The following EFNA5 variants were observed in gnomAD, a reference collection of about 807,000 sequenced individuals.
EFNA5 encodes the protein ephrin A5.
In EFNA5, 5 loss-of-function variants were observed where a neutral mutation model predicts 22.9. The observed-to-expected ratio is 0.22, with a 90% CI of 0.11 to 0.46. The LOEUF (loss-of-function observed/expected upper bound fraction) is 0.46, where lower values mean the gene tolerates loss of function less well. Ranked by LOEUF, EFNA5 falls within the 20% of genes least tolerant of loss-of-function variation. The pLI is 0.99. For synonymous variants in EFNA5, 113 were observed against 112.2 expected, an observed-to-expected ratio of 1.01 and a Z score of -0.04; for missense variants, 237 against 293.3, an observed-to-expected ratio of 0.81 and a Z score of 1.40.
intron 1 of EFNA5, among the ~76,000 whole-genome samples, chr5:107,656,342 A>G (rs1750820957): frequency 1.3e-5 from 2 of 152,170 alleles, no homozygotes; most frequent in Non-Finnish European, 2.9e-5. Flanking sequence ...GTCTTTACAC[A>G]TTATTACTCT....
chr5:107,415,068 T>A (rs1210534074), intron 2 of EFNA5, among the ~76,000 whole-genome samples: 1 of 152,218 alleles, frequency 6.6e-6, no homozygotes. Flanking sequence ...ACATGAACAG[T>A]GTGATTCTAA....
At chr5:107,590,013 G>T (rs933854243) in intron 1 of EFNA5, among the ~76,000 whole-genome samples, 2 of 152,104 alleles carry the variant, frequency 1.3e-5, no homozygotes, top group Non-Finnish European at 2.9e-5. Context: ...GAGAATTTAC[G>T]TAAGACCAGA....
At chr5:107,553,880 T>C (rs144741899) in intron 1 of EFNA5, among the ~76,000 whole-genome samples, 2 of 152,342 alleles carry the variant, frequency 1.3e-5, no homozygotes, top group African/African-American at 4.8e-5. Flanking sequence ...ATTTGCATGA[T>C]TCTTTGTTCT....
In EFNA5 at chr5:107,660,826, T is replaced by A. The variant is rs192425690; in HGVS notation, c.125+9663A>T. Among the ~76,000 whole-genome samples, 512 of 152,240 alleles carry A rather than the reference T, an allele frequency of 3.4e-3. 2 individuals are homozygous for A. The highest frequency in any genetic ancestry group is 5.2e-3 in the Non-Finnish European group (354 of 68,002). On this transcript the variant is annotated intron_variant, in intron 1 of 4. Transcript: ENST00000333274. Reference sequence around the variant, plus strand: ...GGCAGCTTTCGTTTCCCCATTATTTTCTCTAGTTTGACACAAAACCCTGTC... The same window carrying A: ...GGCAGCTTTCGTTTCCCCATTATTTACTCTAGTTTGACACAAAACCCTGTC...
At chr5:107,584,212 G>A (rs187951170) in intron 1 of EFNA5, among the ~76,000 whole-genome samples, 3 of 152,276 alleles carry the variant, frequency 2.0e-5, no homozygotes, top group African/African-American at 4.8e-5. Flanking sequence ...TCAAGAGATC[G>A]ATGAGTTGGG....
chr5:107,431,122 G>A (rs1199713190), intron 1 of EFNA5, among the ~76,000 whole-genome samples: 2 of 152,146 alleles, frequency 1.3e-5, no homozygotes, highest in Non-Finnish European at 2.9e-5. Flanking sequence ...AAGAAAAGAT[G>A]ATGATTCACT....
At chr5:107,595,421 C>A (rs766281149) in intron 1 of EFNA5, among the ~76,000 whole-genome samples, 1 of 152,010 alleles carries the variant, frequency 6.6e-6, no homozygotes, top group Non-Finnish European at 1.5e-5. Flanking sequence ...ATCACTTCAC[C>A]CTATCCTATA....
intron 1 of EFNA5, among the ~76,000 whole-genome samples, chr5:107,596,830 T>C (rs1749482073): frequency 6.6e-6 from 1 of 152,174 alleles, no homozygotes; most frequent in South Asian, 2.1e-4. Context: ...ACTGAGACTT[T>C]ACATTCTGAG....
intron 1 of EFNA5, among the ~76,000 whole-genome samples, chr5:107,566,679 T>C (rs888835411): frequency 1.3e-5 from 2 of 152,218 alleles, no homozygotes; most frequent in African/African-American, 4.8e-5. Context: ...ACTCCTGGCT[T>C]CCTTTCAAAT....
At chr5:107,580,015 T>C (rs988513835) in intron 1 of EFNA5, among the ~76,000 whole-genome samples, 2 of 152,220 alleles carry the variant, frequency 1.3e-5, no homozygotes, top group South Asian at 2.1e-4. Flanking sequence ...GCTGATTTTA[T>C]ATGCTTTGGG....
rs191612483 is a variant in EFNA5 at position 107,516,983 on chromosome 5, G to A, written c.126-89474C>T. Among the ~76,000 whole-genome samples the A allele has an allele frequency of 1.0e-3, 155 of 152,206 alleles. 1 individual carries two copies. The highest frequency in any genetic ancestry group is 3.8e-4 in the Non-Finnish European group (26 of 68,002). On this transcript the variant is annotated intron_variant, in intron 1 of 4. Coordinates refer to ENST00000333274, the MANE Select transcript of EFNA5 (RefSeq NM_001962.3). ...AATAGATGACAGGCTATCTAGGGCT[G>A]GGGGTAGGCACAGGGGATGACTATA...
chr5:107,514,868 A>G (rs1204686120), intron 1 of EFNA5, among the ~76,000 whole-genome samples: 1 of 152,194 alleles, frequency 6.6e-6, no homozygotes, highest in African/African-American at 2.4e-5. Flanking sequence ...AATTAGGCAG[A>G]TAGCAAGGGC....
At chr5:107,642,744 G>C (rs1270372411) in intron 1 of EFNA5, among the ~76,000 whole-genome samples, 1 of 152,078 alleles carries the variant, frequency 6.6e-6, no homozygotes, top group African/African-American at 2.4e-5. Context: ...GAAAGAATAC[G>C]GGGAGTGGTC....
rs1175404960 is a variant in EFNA5 at position 107,591,990 on chromosome 5, AAT to A, written c.125+78497_125+78498del. On this transcript the variant is annotated intron_variant, in intron 1 of 4. Transcript: ENST00000333274. ...ATAATATATATAATATATAATATAT[AAT>A]ATATATAATATATAATATATATAAT... Among the ~76,000 whole-genome samples, 20 of 37,696 alleles carry A rather than the reference AAT, an allele frequency of 5.3e-4. 1 individual carries two copies. The highest frequency in any genetic ancestry group is 3.8e-3 in the African/African-American group (20 of 5,222). 24.7% of individuals were successfully genotyped at this position (37,696 alleles called of 152,430 possible). A position where few individuals can be genotyped will look rare whatever the true frequency, so the allele number is the denominator to read the frequency against.
intron 1 of EFNA5, among the ~76,000 whole-genome samples, chr5:107,610,606 CT>C (rs369845620): frequency 8.5e-5 from 13 of 152,248 alleles, no homozygotes; most frequent in African/African-American, 2.9e-4. Context: ...AAACGTATCT[CT>C]TTTTTTAATC....
intron 1 of EFNA5, among the ~76,000 whole-genome samples, chr5:107,559,294 A>G (rs1049162685): frequency 6.6e-6 from 1 of 152,046 alleles, no homozygotes; most frequent in Non-Finnish European, 1.5e-5. Flanking sequence ...TTATTTTCTG[A>G]TCATTCGTTG....
chr5:107,538,627 C>A (rs1747975835), intron 1 of EFNA5, among the ~76,000 whole-genome samples: 1 of 152,188 alleles, frequency 6.6e-6, no homozygotes, highest in Non-Finnish European at 1.5e-5. Flanking sequence ...TCAGTAAACT[C>A]ATCTGACAGT....
intron 1 of EFNA5, among the ~76,000 whole-genome samples, chr5:107,485,466 AAT>A (rs1746591821): frequency 1.3e-5 from 2 of 152,118 alleles, no homozygotes; most frequent in South Asian, 4.1e-4. Context: ...ATTACTACTG[AAT>A]GAATCTCTCT....
intron 1 of EFNA5, among the ~76,000 whole-genome samples, chr5:107,432,269 T>C (rs560828570): frequency 5.3e-5 from 8 of 152,372 alleles, no homozygotes; most frequent in African/African-American, 1.9e-4. Context: ...GGAATCTTTT[T>C]TCCATCAGGA....
Sources: gnomAD v4.1 joint callset for allele counts (sites outside exome capture counted in the v4.1 genomes callset) on GRCh38, gnomAD v4.1.1 for gene constraint, MANE v1.5 for transcripts, NCBI Gene and HGNC (gene_info 2026-07-23, HGNC 2026-07-21) for gene names.